Variants in HMGB1 observed in about 807,000 individuals in gnomAD.
HMGB1 encodes the protein high mobility group box 1.
For missense variants in HMGB1, 79 were observed against 253.5 expected (o/e 0.31, Z 4.67); for synonymous variants, 81 against 84.0 (o/e 0.96, Z 0.19).
chr13:30,518,665 G>T (rs989382761), intron 1 of HMGB1, among the ~76,000 whole-genome samples: 2 of 151,914 alleles, frequency 1.3e-5, no homozygotes, highest in Non-Finnish European at 2.9e-5. Context: ...CTGACACAGA[G>T]TAAGGGAGCA....
intron 1 of HMGB1, chr13:30,542,858 A>G (rs1291333699): frequency 6.5e-6 from 1 of 154,354 alleles, no homozygotes; most frequent in Non-Finnish European, 1.5e-5. Context: ...TGCAGAGTCA[A>G]TGAGCGACTG....
At chr13:30,589,236 C>G (rs886413240) in intron 1 of HMGB1, among the ~76,000 whole-genome samples, 2 of 151,980 alleles carry the variant, frequency 1.3e-5, no homozygotes, top group African/African-American at 4.8e-5. Context: ...AACTCCCAAC[C>G]TCAGGTGATC....
At chr13:30,529,740 G>A (rs894397582) in intron 1 of HMGB1, among the ~76,000 whole-genome samples, 14 of 152,158 alleles carry the variant, frequency 9.2e-5, no homozygotes, top group Non-Finnish European at 5.9e-5. Flanking sequence ...TCAGCCAGGC[G>A]GATTCAGGGA....
Position 30,538,510 on chromosome 13 carries a change from C to CTTTCTTTCTTTT in HMGB1, c.-14-74817_-14-74816insAAAAGAAAGAAA, listed in dbSNP as rs1164550479. Among the ~76,000 whole-genome samples, 5 of 82,268 alleles carry CTTTCTTTCTTTT rather than the reference C, an allele frequency of 6.1e-5. 1 individual carries two copies. In the East Asian group the frequency reaches 1.3e-3, roughly 21 times the overall value. The allele number at this position is 82,268 out of a possible 152,430, so 54.0% of individuals were successfully genotyped here. On this transcript the variant is annotated intron_variant, in intron 1 of 4. Transcript: ENST00000405805. ...TCTTTCTTTCTTTCTTTCTTTCTTT[C>CTTTCTTTCTTTT]CTTTCTTTCTTTCCTTTCTTTCTTT...
At chr13:30,489,112 G>C (rs1280466671) in intron 1 of HMGB1, among the ~76,000 whole-genome samples, 5 of 152,096 alleles carry the variant, frequency 3.3e-5, no homozygotes, top group African/African-American at 1.2e-4. Context: ...AGCAGGCTTA[G>C]CAACTGATGG....
intron 1 of HMGB1, among the ~76,000 whole-genome samples, chr13:30,580,053 CT>C (rs1870835126): frequency 6.6e-6 from 1 of 152,208 alleles, no homozygotes; most frequent in Non-Finnish European, 1.5e-5. Flanking sequence ...AACTATCAGT[CT>C]CCTAAACCAC....
intron 1 of HMGB1, among the ~76,000 whole-genome samples, chr13:30,516,252 G>T (rs1285388613): frequency 6.6e-6 from 1 of 152,162 alleles, no homozygotes; most frequent in Non-Finnish European, 1.5e-5. Context: ...AAAATAGTAG[G>T]ACTACAAGGA....
chr13:30,523,860 C>A (rs1369369599), intron 1 of HMGB1, among the ~76,000 whole-genome samples: 1 of 152,030 alleles, frequency 6.6e-6, no homozygotes, highest in Non-Finnish European at 1.5e-5. Flanking sequence ...CCTGCTTCAG[C>A]TTCCTATGTA....
upstream of HMGB1, among the ~76,000 whole-genome samples, chr13:30,469,704 C>T (rs928122): frequency 0.2 from 28,089 of 141,816 alleles, 7,020 homozygotes; most frequent in Non-Finnish European, 0.27. Context: ...AATCTTGGAT[C>T]ACTGCAACCT....
intron 1 of HMGB1, among the ~76,000 whole-genome samples, chr13:30,585,164 T>A (rs1305688920): frequency 4.1e-5 from 6 of 147,406 alleles, no homozygotes; most frequent in African/African-American, 1.5e-4. Flanking sequence ...AAAAAAAAAA[T>A]TAGCCAGGCA....
chr13:30,593,235 G>A (rs770103621), intron 1 of HMGB1, among the ~76,000 whole-genome samples: 1 of 152,040 alleles, frequency 6.6e-6, no homozygotes, highest in African/African-American at 2.4e-5. Flanking sequence ...CCACCCCCCC[G>A]TAGAAGCTGC....
rs1332076569 is a variant in HMGB1, at chr13:30,559,916, G to A, written c.-15+56755C>T. Reference sequence around the variant, plus strand: ...CAAAATCTCATATTCCCAAAAAGCAGGAAAGGTAGTACAGTGAGATGGATG... The same window carrying A: ...CAAAATCTCATATTCCCAAAAAGCAAGAAAGGTAGTACAGTGAGATGGATG... On this transcript the variant is annotated intron_variant, in intron 1 of 4. Transcript: ENST00000405805. This position sits in a 1 kb window ranked among gnomAD's most constrained non-coding sequence, Gnocchi z 6.6. Among the ~76,000 whole-genome samples the A allele has an allele frequency of 6.6e-6, 1 of 152,126 alleles. No individual in the cohort carries two copies. Among genetic ancestry groups the A allele is most frequent in the Non-Finnish European group, 1.5e-5 (1 of 68,030 alleles).
At chr13:30,471,097 G>A (rs543500627) in intron 1 of HMGB1, among the ~76,000 whole-genome samples, 19 of 152,048 alleles carry the variant, frequency 1.2e-4, no homozygotes, top group African/African-American at 4.6e-4. Context: ...TTCTGCCTCA[G>A]ACTCCTGAGT....
intron 1 of HMGB1, among the ~76,000 whole-genome samples, chr13:30,474,543 T>A (rs928790028): frequency 6.6e-6 from 1 of 152,202 alleles, no homozygotes; most frequent in African/African-American, 2.4e-5. Flanking sequence ...ACTGACAGCG[T>A]AAACTGGCCC....
chr13:30,557,624 C>T (rs1869744698), intron 1 of HMGB1, among the ~76,000 whole-genome samples: 1 of 152,214 alleles, frequency 6.6e-6, no homozygotes, highest in Non-Finnish European at 1.5e-5. Flanking sequence ...TCCCTTAACT[C>T]TCTATCCTAC....
chr13:30,610,383 GA>G (rs1204982361), intron 1 of HMGB1, among the ~76,000 whole-genome samples: 2 of 152,188 alleles, frequency 1.3e-5, no homozygotes, highest in African/African-American at 4.8e-5. Context: ...AAAGGAAAGA[GA>G]AAACAGAATT....
chr13:30,580,551 T>A (rs893149176), intron 1 of HMGB1, among the ~76,000 whole-genome samples: 19 of 152,192 alleles, frequency 1.2e-4, no homozygotes, highest in Non-Finnish European at 2.1e-4. Flanking sequence ...TGATTTATAA[T>A]GTGAGATATT....
intron 1 of HMGB1, among the ~76,000 whole-genome samples, chr13:30,529,112 G>A (rs1417035239): frequency 3.3e-5 from 5 of 150,894 alleles, no homozygotes; most frequent in Admixed American, 6.6e-5. Context: ...TTTATAATTC[G>A]GTATTTCTGG....
intron 1 of HMGB1, among the ~76,000 whole-genome samples, chr13:30,478,871 C>CTTTTTTTTTT: frequency 7.9e-6 from 1 of 126,148 alleles, no homozygotes; most frequent in East Asian, 2.3e-4. Flanking sequence ...CTTTTCTTTT[C>CTTTTTTTTTT]TTTTTTTTTT....
Sources: gnomAD v4.1 joint callset for allele counts (sites outside exome capture counted in the v4.1 genomes callset) on GRCh38, gnomAD v4.1.1 for gene constraint, Gnocchi (gnomAD v3.1) non-coding constraint, MANE v1.5 for transcripts, NCBI Gene and HGNC (gene_info 2026-07-23, HGNC 2026-07-21) for gene names.